The following GRID2 variants were observed in gnomAD, a reference collection of about 807,000 sequenced individuals.
GRID2 encodes glutamate receptor ionotropic, delta-2.
A neutral mutation model predicts 114.8 loss-of-function variants in GRID2; 33 were observed. The ratio of observed to expected loss-of-function variants is 0.29; its 90% CI spans 0.22 to 0.38. The LOEUF is 0.38. Among genes scored for constraint, GRID2 ranks in the 10% least tolerant of loss-of-function variants. The probability of loss-of-function intolerance (pLI) is 1.00; values close to 1 mark genes in which losing one functional copy is unlikely to be tolerated. For missense variants in GRID2, 1,184 were observed against 1,257.7 expected (o/e 0.94, Z 0.89); for synonymous variants, 505 against 449.9 (o/e 1.12, Z -1.55).
intron 4 of GRID2, among the ~76,000 whole-genome samples, chr4:93,148,864 A>G (rs1367827745): frequency 6.6e-6 from 1 of 151,954 alleles, no homozygotes; most frequent in Non-Finnish European, 1.5e-5. Context: ...AGTAATATAG[A>G]AACATTATAT....
chr4:93,109,739 A>G lies in GRID2; in HGVS notation c.530-1009A>G, dbSNP rs72887632. ...ATATAGTTCATGATATAGTAAAAGA[A>G]AATCTACTATATTAAGATTATAGCA... On this transcript the variant is annotated intron_variant, in intron 3 of 15. Transcript: ENST00000282020. Among the ~76,000 whole-genome samples the G allele has an allele frequency of 2.5e-3, 383 of 152,268 alleles. 3 individuals carry two copies. Among genetic ancestry groups the G allele is most frequent in the African/African-American group, 8.7e-3 (362 of 41,570 alleles).
rs897411033 is a variant in GRID2, at chr4:93,471,698, ATTT to A, written c.1858+15739_1858+15741del. Among the ~76,000 whole-genome samples the A allele has an allele frequency of 3.8e-3, 234 of 60,994 alleles. 36 individuals carry two copies. Among genetic ancestry groups the A allele is most frequent in the African/African-American group, 0.02 (217 of 11,086 alleles). The allele number at this position is 60,994 out of a possible 152,430, so 40.0% of individuals were successfully genotyped here. On this transcript the variant is annotated intron_variant, in intron 11 of 15. Coordinates refer to ENST00000282020, the MANE Select transcript of GRID2 (RefSeq NM_001510.4). ...ATTGTTATTTCTTCTCCTGAATTCA[ATTT>A]TTTTTTTTTTTTTTGGAGACGGAGT...
chr4:93,671,616 A>C (rs1260265674), intron 14 of GRID2, among the ~76,000 whole-genome samples: 2 of 152,166 alleles, frequency 1.3e-5, no homozygotes, highest in Non-Finnish European at 2.9e-5. Context: ...AAAGTCAATG[A>C]GATTAGAAAC....
chr4:92,305,454 G>C (rs947807479), intron 1 of GRID2, among the ~76,000 whole-genome samples: 1 of 152,270 alleles, frequency 6.6e-6, no homozygotes, highest in Non-Finnish European at 1.5e-5. Context: ...ACCCCGGGGC[G>C]CTTGGGAAAC....
chr4:92,512,620 C>T (rs994333933), intron 1 of GRID2, among the ~76,000 whole-genome samples: 2 of 151,800 alleles, frequency 1.3e-5, no homozygotes, highest in Non-Finnish European at 2.9e-5. Context: ...TAGAGGTATA[C>T]ACTATGATTA....
intron 8 of GRID2, among the ~76,000 whole-genome samples, chr4:93,327,771 C>T (rs1442502218): frequency 6.6e-6 from 1 of 151,888 alleles, no homozygotes; most frequent in Non-Finnish European, 1.5e-5. Context: ...TGAGAAATTC[C>T]TTAATGGGTA....
At chr4:92,690,643 G>C (rs980157632) in intron 2 of GRID2, among the ~76,000 whole-genome samples, 1 of 152,070 alleles carries the variant, frequency 6.6e-6, no homozygotes, top group Non-Finnish European at 1.5e-5. Context: ...ATGCAATAAA[G>C]CAAAGTGCAA....
intron 14 of GRID2, among the ~76,000 whole-genome samples, chr4:93,728,495 A>G (rs1730157535): frequency 6.6e-6 from 1 of 152,118 alleles, no homozygotes; most frequent in African/African-American, 2.4e-5. Flanking sequence ...GTAGATGTCT[A>G]TTAGGTCTGC....
At chr4:93,042,988 T>C (rs1646706138) in intron 2 of GRID2, among the ~76,000 whole-genome samples, 1 of 151,956 alleles carries the variant, frequency 6.6e-6, no homozygotes, top group South Asian at 2.1e-4. Context: ...GGACATATTT[T>C]AGAGGAGTGA....
chr4:93,607,226 A>T (rs1490634016), intron 13 of GRID2, among the ~76,000 whole-genome samples: 1 of 152,122 alleles, frequency 6.6e-6, no homozygotes, highest in Non-Finnish European at 1.5e-5. Flanking sequence ...ATTTTTAATA[A>T]CGTACTAACA....
At chr4:93,710,268 A>G (rs72672455) in intron 14 of GRID2, among the ~76,000 whole-genome samples, 2,363 of 152,322 alleles carry the variant, frequency 0.016, 27 homozygotes, top group Non-Finnish European at 0.022. Flanking sequence ...TCTTCGGTCA[A>G]TGCAGCCATA....
intron 8 of GRID2, among the ~76,000 whole-genome samples, chr4:93,390,267 T>A (rs1284264514): frequency 6.6e-6 from 1 of 152,194 alleles, no homozygotes; most frequent in East Asian, 1.9e-4. Flanking sequence ...CAACAAAATA[T>A]TCTAATAGTC....
At chr4:93,791,672 CAG>C (rs1394703186) in intron 1 of GRID2, among the ~76,000 whole-genome samples, 1 of 152,176 alleles carries the variant, frequency 6.6e-6, no homozygotes, top group African/African-American at 2.4e-5. Flanking sequence ...GTGACAATTA[CAG>C]AGTCACACTG....
chr4:93,776,796 A>G (rs1373703800), downstream of GRID2, among the ~76,000 whole-genome samples: 1 of 152,138 alleles, frequency 6.6e-6, no homozygotes, highest in African/African-American at 2.4e-5. Flanking sequence ...AGCCACAGAA[A>G]ATTACTATCT....
At chr4:93,664,836 A>C (rs2149742672) in intron 14 of GRID2, among the ~76,000 whole-genome samples, 1 of 152,320 alleles carries the variant, frequency 6.6e-6, no homozygotes, top group African/African-American at 2.4e-5. Flanking sequence ...CCTAATGTGT[A>C]AGTTAGAGTT....
chr4:92,451,652 C>T (rs1720931671), intron 1 of GRID2, among the ~76,000 whole-genome samples: 1 of 152,080 alleles, frequency 6.6e-6, no homozygotes, highest in African/African-American at 2.4e-5. Flanking sequence ...ACCCATTTCA[C>T]CAATGATATG....
chr4:93,683,238 A>G (rs1294819222), intron 14 of GRID2, among the ~76,000 whole-genome samples: 1 of 152,050 alleles, frequency 6.6e-6, no homozygotes, highest in East Asian at 1.9e-4. Context: ...AACCCTGCTC[A>G]GATCTCAAGT....
intron 3 of GRID2, among the ~76,000 whole-genome samples, chr4:93,101,398 A>G (rs1399976946): frequency 1.3e-5 from 2 of 151,902 alleles, no homozygotes; most frequent in Non-Finnish European, 2.9e-5. Flanking sequence ...CCCATTAATA[A>G]ACCTCTTTCC....
At chr4:92,535,014 T>A (rs1725543185) in intron 1 of GRID2, among the ~76,000 whole-genome samples, 1 of 152,156 alleles carries the variant, frequency 6.6e-6, no homozygotes, top group South Asian at 2.1e-4. Context: ...AAAAATATTC[T>A]CATATTTTAA....
Sources: gnomAD v4.1 joint callset for allele counts (sites outside exome capture counted in the v4.1 genomes callset) on GRCh38, gnomAD v4.1.1 for gene constraint, MANE v1.5 for transcripts, NCBI Gene and HGNC (gene_info 2026-07-23, HGNC 2026-07-21) for gene names.